Variants in CTDSPL observed in about 807,000 individuals in gnomAD.
CTDSPL encodes the protein CTD small phosphatase-like protein.
Under a neutral mutation model 30.5 loss-of-function variants are expected in CTDSPL, and 8 were observed. The observed-to-expected ratio is 0.26, with a 90% CI of 0.15 to 0.47. The LOEUF is 0.47. Ranked by LOEUF, CTDSPL falls within the 20% of genes least tolerant of loss-of-function variation. The pLI, the probability that CTDSPL is intolerant of heterozygous loss-of-function variation, is 0.99. For missense variants in CTDSPL, 248 were observed against 366.1 expected (o/e 0.68, Z 2.63); for synonymous variants, 110 against 137.9 (o/e 0.80, Z 1.42).
At chr3:37,868,209 A>G (rs1209598066) in intron 1 of CTDSPL, among the ~76,000 whole-genome samples, 3 of 151,882 alleles carry the variant, frequency 2.0e-5, no homozygotes, top group Non-Finnish European at 2.9e-5. Context: ...TTTTTCTTCT[A>G]TATATCTTCT....
chr3:37,871,724 C>T (rs936318459), intron 1 of CTDSPL, among the ~76,000 whole-genome samples: 1 of 152,124 alleles, frequency 6.6e-6, no homozygotes, highest in Non-Finnish European at 1.5e-5. Context: ...TTTCTCTTCT[C>T]CTTCTGAGAC....
chr3:37,891,804 T>C (rs996287350), intron 1 of CTDSPL, among the ~76,000 whole-genome samples: 3 of 152,178 alleles, frequency 2.0e-5, no homozygotes, highest in African/African-American at 7.2e-5. Context: ...ATAAGGATGA[T>C]GTACTGGTCC....
intron 2 of CTDSPL, 85 bp from the exon 3 acceptor site, chr3:37,957,026 G>T (rs1349778404): frequency 1.6e-5 from 17 of 1,085,106 alleles, no homozygotes; most frequent in Non-Finnish European, 2.2e-5. Context: ...TGCAGCTGCT[G>T]TGCTCAAGAG....
chr3:37,877,325 C>T (rs1435958422), intron 1 of CTDSPL, among the ~76,000 whole-genome samples: 1 of 152,176 alleles, frequency 6.6e-6, no homozygotes, highest in Non-Finnish European at 1.5e-5. Flanking sequence ...TTGTCTACTC[C>T]AGCTGCCTCA....
chr3:37,882,611 C>T (rs529316736), intron 1 of CTDSPL, among the ~76,000 whole-genome samples: 45 of 151,858 alleles, frequency 3.0e-4, no homozygotes, highest in African/African-American at 1.1e-3. Flanking sequence ...AGGAAGACTC[C>T]GTCTCAAAAA....
chr3:37,980,738 C>T lies in CTDSPL; in HGVS notation c.706-4C>T. 1 of 1,614,184 alleles carries T rather than the reference C, an allele frequency of 6.2e-7. No homozygotes were observed. The highest frequency in any genetic ancestry group is 8.5e-7 in the Non-Finnish European group (1 of 1,180,026). On this transcript the variant is annotated splice_region_variant and splice_polypyrimidine_tract_variant and intron_variant, in intron 7 of 7. Transcript: ENST00000273179. ...TGCTGCCTCCTCCATGCACTGTCTT[C>T]CAGGTGCCTGTGCAGTCCTGGTTCG...
intron 1 of CTDSPL, among the ~76,000 whole-genome samples, chr3:37,931,075 A>C (rs1326875689): frequency 1.3e-5 from 2 of 151,200 alleles, no homozygotes; most frequent in Admixed American, 1.3e-4. Context: ...TTTAAATCTA[A>C]AGTGAGTCTC....
At chr3:37,863,288 C>G (rs973356346) in intron 1 of CTDSPL, among the ~76,000 whole-genome samples, 2 of 152,220 alleles carry the variant, frequency 1.3e-5, no homozygotes, top group Admixed American at 6.5e-5. Context: ...TCAGCCAGCA[C>G]TGTGCTTCTG....
intron 1 of CTDSPL, among the ~76,000 whole-genome samples, chr3:37,876,246 T>TA (rs891479825): frequency 3.4e-4 from 50 of 149,242 alleles, no homozygotes; most frequent in Non-Finnish European, 4.3e-4. Flanking sequence ...CGTGTCTCAT[T>TA]AAAAAAAAAA....
At chr3:37,905,685 G>A (rs577960542) in intron 1 of CTDSPL, among the ~76,000 whole-genome samples, 1 of 152,284 alleles carries the variant, frequency 6.6e-6, no homozygotes, top group East Asian at 1.9e-4. Context: ...CTGCTGCAAG[G>A]TGTTTTATTC....
intron 1 of CTDSPL, among the ~76,000 whole-genome samples, chr3:37,914,414 G>A (rs993758327): frequency 1.3e-5 from 2 of 152,068 alleles, no homozygotes; most frequent in African/African-American, 4.8e-5. Flanking sequence ...TCTTATCCTT[G>A]ATCTCAGCAG....
chr3:37,970,097 C>T (rs1699349962), intron 5 of CTDSPL, among the ~76,000 whole-genome samples: 1 of 152,216 alleles, frequency 6.6e-6, no homozygotes, highest in Non-Finnish European at 1.5e-5. Context: ...CTCACTACCT[C>T]TGATGGCTGG....
intron 1 of CTDSPL, among the ~76,000 whole-genome samples, chr3:37,875,905 A>G (rs1241666734): frequency 1.3e-5 from 2 of 152,194 alleles, no homozygotes; most frequent in Non-Finnish European, 2.9e-5. Flanking sequence ...TAGACCTTGT[A>G]TCACTACATA....
chr3:37,884,557 G>A (rs1698243260), intron 1 of CTDSPL, among the ~76,000 whole-genome samples: 1 of 152,222 alleles, frequency 6.6e-6, no homozygotes. Context: ...AGATGAGAGG[G>A]TGGTAGGGGA....
chr3:37,917,866 G>A (rs1478453202), intron 1 of CTDSPL, among the ~76,000 whole-genome samples: 6 of 152,320 alleles, frequency 3.9e-5, no homozygotes, highest in East Asian at 3.9e-4. Context: ...AGCAGATATC[G>A]GAGAAAATTG....
rs1173936757 is a variant in CTDSPL at position 37,937,584 on chromosome 3, T to G, written c.80-9473T>G. 4.0e-5 allele frequency among the ~76,000 whole-genome samples: 6 copies of G among 150,490 alleles called. 1 individual carries two copies. In the East Asian group the frequency reaches 1.2e-3, roughly 29 times the overall value. ...CTCCAGAATTGTGAGCCAAATAAAC[T>G]TCTTTTCTTTATAAATTACCCAGTT... On this transcript the variant is annotated intron_variant, in intron 1 of 7. Transcript: ENST00000273179.
In CTDSPL at chr3:37,981,137, A is replaced by C. The variant is rs1699487017; in HGVS notation, c.*270A>C. 8.6e-6 allele frequency: 2 copies of C among 232,544 alleles called. No homozygotes were observed. Among genetic ancestry groups the C allele is most frequent in the Non-Finnish European group, 8.3e-6 (1 of 120,430 alleles). The allele number at this position is 232,544 out of a possible 1,614,324, so 14.4% of individuals were successfully genotyped here. On this transcript the variant is annotated 3_prime_UTR_variant, in exon 8 of 8. Coordinates refer to ENST00000273179, the MANE Select transcript of CTDSPL (RefSeq NM_001008392.2). Reference sequence around the variant, plus strand: ...CAAAAAAGAAAAAAATAGAAAAAAAAAAAAAAAAAGCTTGATCTCTATCAG... The same window carrying C: ...CAAAAAAGAAAAAAATAGAAAAAAACAAAAAAAAAGCTTGATCTCTATCAG...
chr3:37,965,440 G>C (rs909313072), intron 4 of CTDSPL, among the ~76,000 whole-genome samples: 4 of 152,170 alleles, frequency 2.6e-5, no homozygotes, highest in Non-Finnish European at 4.4e-5. Flanking sequence ...AGAGGCAAAT[G>C]ATGAAAAGTT....
At chr3:37,875,546 T>G (rs561401090) in intron 1 of CTDSPL, among the ~76,000 whole-genome samples, 1 of 152,340 alleles carries the variant, frequency 6.6e-6, no homozygotes, top group South Asian at 2.1e-4. Context: ...CTTGAATAAA[T>G]GTAGCCTTTT....
Sources: gnomAD v4.1 joint callset for allele counts (sites outside exome capture counted in the v4.1 genomes callset) on GRCh38, gnomAD v4.1.1 for gene constraint, MANE v1.5 for transcripts, NCBI Gene and HGNC (gene_info 2026-07-23, HGNC 2026-07-21) for gene names.